RARB: variants seen among roughly 807,000 people sequenced by gnomAD.
RARB encodes the protein retinoic acid receptor beta.
In RARB, 17 loss-of-function variants were observed where a neutral mutation model predicts 51.9. The observed-to-expected ratio is 0.33, with a 90% confidence interval of 0.22 to 0.49. The LOEUF is 0.49. RARB is among the 20% of genes least tolerant of loss of function. The pLI is 0.99. For missense variants in RARB, 369 were observed against 550.8 expected (o/e 0.67, Z 3.30); for synonymous variants, 215 against 195.4 (o/e 1.10, Z -0.84).
chr3:25,113,844 G>T (rs1699643348), intron 3 of RARB, among the ~76,000 whole-genome samples: 1 of 152,148 alleles, frequency 6.6e-6, no homozygotes, highest in African/African-American at 2.4e-5. Flanking sequence ...GGAGAGGCTG[G>T]TTGCATTGCC....
At chr3:25,506,527 G>A (rs1051028048) in intron 3 of RARB, among the ~76,000 whole-genome samples, 1 of 151,250 alleles carries the variant, frequency 6.6e-6, no homozygotes, top group Non-Finnish European at 1.5e-5. Context: ...GAGGAAGGAG[G>A]ATCACTTGAG....
intron 4 of RARB, among the ~76,000 whole-genome samples, chr3:25,170,470 T>C (rs1330815027): frequency 6.6e-6 from 1 of 152,180 alleles, no homozygotes; most frequent in Non-Finnish European, 1.5e-5. Flanking sequence ...AGAATTTGCA[T>C]TTTTAACCAG....
intron 3 of RARB, among the ~76,000 whole-genome samples, chr3:25,123,703 G>T (rs542989257): frequency 6.6e-6 from 1 of 152,276 alleles, no homozygotes; most frequent in East Asian, 1.9e-4. Context: ...GCAAGGAGCA[G>T]CTCACACCCA....
chr3:25,453,580 A>G (rs909275997), intron 1 of RARB, among the ~76,000 whole-genome samples: 1 of 152,070 alleles, frequency 6.6e-6, no homozygotes, highest in African/African-American at 2.4e-5. Context: ...GGTGATGCTG[A>G]TGCTGCTTGT....
intron 5 of RARB, among the ~76,000 whole-genome samples, chr3:25,303,599 G>A (rs145330094): frequency 0.017 from 2,628 of 152,248 alleles, 31 homozygotes; most frequent in Non-Finnish European, 0.025. Context: ...TTTGCCACAT[G>A]GTTGAATCTT....
chr3:25,476,612 C>T (rs968893088), intron 2 of RARB, among the ~76,000 whole-genome samples: 5 of 152,158 alleles, frequency 3.3e-5, no homozygotes, highest in Admixed American at 6.5e-5. Flanking sequence ...ACAGTCTCCC[C>T]TGCCTTTCTG....
intron 4 of RARB, among the ~76,000 whole-genome samples, chr3:25,144,174 T>G (rs1700152466): frequency 6.6e-6 from 1 of 152,150 alleles, no homozygotes; most frequent in African/African-American, 2.4e-5. Context: ...TGTACATTCT[T>G]GCAGGGATGA....
At chr3:24,871,617 A>T (rs973531588) in intron 2 of RARB, among the ~76,000 whole-genome samples, 1 of 152,168 alleles carries the variant, frequency 6.6e-6, no homozygotes, top group African/African-American at 2.4e-5. Context: ...TTTGTCTTGC[A>T]TTCAATGTTC....
At chr3:25,469,559 C>G (rs1695594032) in intron 2 of RARB, among the ~76,000 whole-genome samples, 1 of 152,210 alleles carries the variant, frequency 6.6e-6, no homozygotes, top group Non-Finnish European at 1.5e-5. Context: ...TTGGATCACA[C>G]AGAGTAGTTT....
At chr3:25,104,111 A>G (rs1215053256) in intron 3 of RARB, among the ~76,000 whole-genome samples, 30 of 152,304 alleles carry the variant, frequency 2.0e-4, no homozygotes, top group Non-Finnish European at 1.5e-5. Flanking sequence ...AAATATATCA[A>G]AAAGTGTCAC....
chr3:25,227,197 A>G (rs991065036), intron 5 of RARB, among the ~76,000 whole-genome samples: 3 of 152,234 alleles, frequency 2.0e-5, no homozygotes, highest in Admixed American at 6.5e-5. Flanking sequence ...ATATTGAAAA[A>G]TGAAAAGCTT....
intron 1 of RARB, among the ~76,000 whole-genome samples, chr3:24,848,112 T>C (rs185765317): frequency 6.6e-6 from 1 of 152,294 alleles, no homozygotes; most frequent in South Asian, 2.1e-4. Flanking sequence ...CAGGCTGGAG[T>C]GCAGTGGCAC....
At chr3:25,093,741 C>A (rs1699244066) in intron 3 of RARB, among the ~76,000 whole-genome samples, 1 of 152,012 alleles carries the variant, frequency 6.6e-6, no homozygotes, top group South Asian at 2.1e-4. Flanking sequence ...CATAGCTCCA[C>A]CTGGACTGCA....
rs766378555 is a variant in RARB at position 25,421,403 on chromosome 3, C to CTTTTTTTTTT, written c.179-39771_179-39762dup. 1.3e-3 allele frequency among the ~76,000 whole-genome samples: 95 copies of CTTTTTTTTTT among 72,366 alleles called. 1 individual carries two copies. The highest frequency in any genetic ancestry group is 4.1e-3 in the African/African-American group (63 of 15,502). 47.5% of individuals were successfully genotyped at this position (72,366 alleles called of 152,430 possible). A position where few individuals can be genotyped will look rare whatever the true frequency, so the allele number is the denominator to read the frequency against. ...TTGCACTAACATTTTTTCTTCTTTT[C>CTTTTTTTTTT]TTTTTTTTTTTTTTTTTTTTTTTTT... is the stretch of plus-strand genomic sequence containing the variant. On this transcript the variant is annotated intron_variant, in intron 5 of 11. Coordinates refer to the RARB transcript ENST00000383772.
At chr3:25,508,835 T>A (rs1697741486) in intron 3 of RARB, among the ~76,000 whole-genome samples, 1 of 151,600 alleles carries the variant, frequency 6.6e-6, no homozygotes, top group Non-Finnish European at 1.5e-5. Context: ...AAAATAAAAA[T>A]CTGCTGCCCC....
chr3:25,528,549 G>C (rs531953168), intron 3 of RARB, among the ~76,000 whole-genome samples: 6 of 151,922 alleles, frequency 3.9e-5, no homozygotes, highest in Admixed American at 3.9e-4. Flanking sequence ...TAGAAGGAAG[G>C]GAGGACTCCC....
At chr3:25,355,660 G>T (rs970493622) in intron 5 of RARB, among the ~76,000 whole-genome samples, 1 of 152,116 alleles carries the variant, frequency 6.6e-6, no homozygotes, top group African/African-American at 2.4e-5. Context: ...TCATCAGGAT[G>T]TTCATGATTA....
intron 5 of RARB, among the ~76,000 whole-genome samples, chr3:25,306,493 T>C (rs1459095863): frequency 6.6e-6 from 1 of 151,254 alleles, no homozygotes; most frequent in Non-Finnish European, 1.5e-5. Context: ...CCAGGAATTA[T>C]TCATTCTTTA....
At chr3:25,483,554 A>G (rs889616612) in intron 2 of RARB, among the ~76,000 whole-genome samples, 20 of 150,686 alleles carry the variant, frequency 1.3e-4, no homozygotes, top group Middle Eastern at 3.4e-3. Context: ...TTTTCACTCA[A>G]AAAAAGAGAG....
Sources: gnomAD v4.1 joint callset for allele counts (sites outside exome capture counted in the v4.1 genomes callset) on GRCh38, gnomAD v4.1.1 for gene constraint, MANE v1.5 for transcripts, NCBI Gene and HGNC (gene_info 2026-07-23, HGNC 2026-07-21) for gene names.